KYNU: variants seen among roughly 807,000 people sequenced by gnomAD.
KYNU encodes the protein kynureninase, also known as L-kynurenine hydrolase.
KYNU carries 54 observed loss-of-function variants against 59.2 expected under a neutral mutation model. The observed-to-expected ratio is 0.91, with a 90% CI of 0.73 to 1.14. The LOEUF is 1.14. Ranked by LOEUF, KYNU falls within the 50% of genes most tolerant of loss-of-function variation. KYNU has a pLI of 0.00. For synonymous variants in KYNU, 177 were observed against 192.0 expected (o/e 0.92, Z 0.65); for missense variants, 567 against 554.4 (o/e 1.02, Z -0.23).
chr2:143,017,434 C>CTTTTTTCTT (rs1558977527), intron 10 of KYNU, among the ~76,000 whole-genome samples: 2 of 68,450 alleles, frequency 2.9e-5, no homozygotes, highest in Non-Finnish European at 5.2e-5. Context: ...TCTCTTTTTT[C>CTTTTTTCTT]TTTTTTTTTT....
intron 3 of KYNU, among the ~76,000 whole-genome samples, chr2:142,922,179 T>C (rs1056645270): frequency 6.6e-6 from 1 of 152,192 alleles, no homozygotes; most frequent in Non-Finnish European, 1.5e-5. Context: ...TGAAAGTAGT[T>C]GCTTAGTTGA....
chr2:143,027,370 A>T (rs1054783719), intron 10 of KYNU, among the ~76,000 whole-genome samples: 1 of 152,102 alleles, frequency 6.6e-6, no homozygotes, highest in Non-Finnish European at 1.5e-5. Context: ...AATATGCATA[A>T]TTTTAAGTCA....
chr2:142,882,732 A>C (rs927120023), intron 1 of KYNU, among the ~76,000 whole-genome samples: 1 of 152,166 alleles, frequency 6.6e-6, no homozygotes, highest in African/African-American at 2.4e-5. Context: ...TCTATCATTG[A>C]TGGACATTTG....
At chr2:142,939,690 C>A (rs187943303) in intron 4 of KYNU, among the ~76,000 whole-genome samples, 1 of 149,588 alleles carries the variant, frequency 6.7e-6, no homozygotes, top group Admixed American at 6.7e-5. Context: ...TGACAAATAC[C>A]GAGGAGTGAC....
At chr2:143,007,681 G>T (rs1311646782) in intron 10 of KYNU, among the ~76,000 whole-genome samples, 1 of 119,376 alleles carries the variant, frequency 8.4e-6, no homozygotes, top group Non-Finnish European at 1.7e-5. Context: ...CCGTCAAAGG[G>T]AAGCCCATCA....
chr2:143,049,666 A>G lies in KYNU; in HGVS notation c.*7494A>G, dbSNP rs1371208474. ...TCCTTCAATAAAACATAGTCATCCA[A>G]ATCCCAATCTCAAGCACGGTGTCAC... On this transcript the variant is annotated 3_prime_UTR_variant, in exon 14 of 14. Transcript: ENST00000264170. 1 of 152,146 alleles carries G rather than the reference A, an allele frequency of 6.6e-6. No homozygotes were observed. Among genetic ancestry groups the G allele is most frequent in the Non-Finnish European group, 1.5e-5 (1 of 68,050 alleles). The allele number at this position is 152,146 out of a possible 1,614,324, so 9.4% of individuals were successfully genotyped here.
At chr2:142,985,912 A>G (rs776173189) in intron 9 of KYNU, 36 bp from the exon 10 acceptor site, 3 of 1,406,350 alleles carry the variant, frequency 2.1e-6, no homozygotes, top group Non-Finnish European at 2.0e-6. Context: ...CATATATTTA[A>G]GTAAACCCAC....
In KYNU at chr2:142,996,889, G is replaced by T. The variant is rs367913720; in HGVS notation, c.902+10868G>T. 4.6e-5 allele frequency among the ~76,000 whole-genome samples: 7 copies of T among 152,244 alleles called. 1 individual carries two copies. The highest frequency in any genetic ancestry group is 1.7e-4 in the African/African-American group (7 of 41,558). On this transcript the variant is annotated intron_variant, in intron 10 of 13. Transcript: ENST00000264170. Reference sequence around the variant, plus strand: ...GAAGATTCTCTTCCAGCTTTCGAATGCTGTCATTCTCAAGTGATAAAAATG... The same window carrying T: ...GAAGATTCTCTTCCAGCTTTCGAATTCTGTCATTCTCAAGTGATAAAAATG...
intron 12 of KYNU, among the ~76,000 whole-genome samples, chr2:143,036,067 A>G (rs903592112): frequency 6.6e-6 from 1 of 151,846 alleles, no homozygotes; most frequent in African/African-American, 2.4e-5. Flanking sequence ...GCTTATTTTT[A>G]AATTTTTTTA....
chr2:142,961,238 G>T (rs573522648), intron 8 of KYNU, among the ~76,000 whole-genome samples: 1 of 131,778 alleles, frequency 7.6e-6, no homozygotes, highest in Admixed American at 7.5e-5. Context: ...AAGAAAATCT[G>T]TAATCTTTTT....
chr2:143,034,502 C>G (rs1194130975), intron 12 of KYNU, among the ~76,000 whole-genome samples: 3 of 152,188 alleles, frequency 2.0e-5, no homozygotes, highest in Admixed American at 6.5e-5. Flanking sequence ...AATTTCACCA[C>G]TGGATAGTGA....
At chr2:142,983,037 G>C (rs1191702504) in intron 8 of KYNU, among the ~76,000 whole-genome samples, 1 of 151,932 alleles carries the variant, frequency 6.6e-6, no homozygotes, top group African/African-American at 2.4e-5. Flanking sequence ...CTTGAAACTT[G>C]TTGTCTTAAA....
chr2:142,956,161 A>G (rs764120476), intron 5 of KYNU, 42 bp from the exon 6 acceptor site: 1 of 1,062,480 alleles, frequency 9.4e-7, no homozygotes, highest in Non-Finnish European at 1.5e-6. Context: ...AAATGTATAA[A>G]TTGTGTATTA....
chr2:142,986,254 A>AT (rs1318184004), intron 10 of KYNU, among the ~76,000 whole-genome samples: 2 of 151,994 alleles, frequency 1.3e-5, no homozygotes, highest in African/African-American at 2.4e-5. Flanking sequence ...AGTGCTAAAA[A>AT]CAAGTCACTG....
At chr2:143,040,683 A>G (rs750958765) in intron 13 of KYNU, 25 bp downstream of exon 13, 21 of 1,505,498 alleles carry the variant, frequency 1.4e-5, no homozygotes, top group Admixed American at 7.3e-5. Context: ...CTTTGCTACC[A>G]GATTTTGTCT....
Position 142,940,478 on chromosome 2 carries a change from A to C in KYNU, c.373+12737A>C, listed in dbSNP as rs75964117. 7.6e-3 allele frequency among the ~76,000 whole-genome samples: 1,164 copies of C among 152,344 alleles called. 7 individuals carry two copies. The highest frequency in any genetic ancestry group is 0.027 in the African/African-American group (1,116 of 41,584). The stretch of plus-strand genomic sequence containing the variant: ...ATTTAAAAGTTTACAGCTCTATTGC[A>C]ACTTATTAAATGTCCAAGAGCCTTG... On this transcript the variant is annotated intron_variant, in intron 4 of 13. Transcript: ENST00000264170.
intron 10 of KYNU, among the ~76,000 whole-genome samples, chr2:142,991,672 A>T (rs981513180): frequency 6.6e-6 from 1 of 151,826 alleles, no homozygotes; most frequent in African/African-American, 2.4e-5. Context: ...TGGATGTGAG[A>T]ACTCTTCTGT....
At chr2:143,029,447 A>G (rs536466624) in intron 10 of KYNU, among the ~76,000 whole-genome samples, 180 bp from the exon 11 acceptor site, 3 of 152,214 alleles carry the variant, frequency 2.0e-5, no homozygotes, top group Admixed American at 6.5e-5. Context: ...CTAGCCGGGC[A>G]TGGTGGTGCA....
At chr2:142,932,615 T>C (rs753361925) in intron 4 of KYNU, among the ~76,000 whole-genome samples, 1 of 152,082 alleles carries the variant, frequency 6.6e-6, no homozygotes, top group Non-Finnish European at 1.5e-5. Context: ...GTGACTGTAC[T>C]ATATGGAACG....
Sources: allele counts gnomAD v4.1 joint callset (sites outside exome capture counted in the v4.1 genomes callset), GRCh38; gene constraint gnomAD v4.1.1; transcripts MANE v1.5; gene names NCBI Gene and HGNC (gene_info 2026-07-23, HGNC 2026-07-21).